Variants in EP400 observed in about 807,000 individuals in gnomAD.
The protein encoded by EP400 is E1A-binding protein p400.
Under a neutral mutation model 354.1 loss-of-function variants are expected in EP400, and 105 were observed. The observed-to-expected ratio is 0.30, with a 90% CI of 0.25 to 0.35. The LOEUF (loss-of-function observed/expected upper bound fraction) is 0.35, where lower values mean the gene tolerates loss of function less well. Ranked by LOEUF, EP400 falls within the 10% of genes least tolerant of loss-of-function variation. The probability of loss-of-function intolerance (pLI) is 1.00; values close to 1 mark genes in which losing one functional copy is unlikely to be tolerated. For missense variants in EP400, 3,280 were observed against 4,121.0 expected, an observed-to-expected ratio of 0.80 and a Z score of 5.59; for synonymous variants, 1,646 against 1,716.9, an observed-to-expected ratio of 0.96 and a Z score of 1.02.
intron 6 of EP400, 62 bp from the exon 7 acceptor site, chr12:131,987,643 C>G (rs374631537): frequency 1.4e-6 from 2 of 1,445,560 alleles, no homozygotes; most frequent in African/African-American, 1.4e-5. Flanking sequence ...TTTCTGGGGT[C>G]TGAGTTGGTG....
rs1593373119 is a variant in EP400 at position 132,048,670 on chromosome 12, A to G, written c.7201-1653A>G. The stretch of plus-strand genomic sequence containing the variant: ...CCCGAGTAGCTGGGATTACAGGTGC[A>G]TGCCACCATACCCAGCTAATTTTTG... On this transcript the variant is annotated intron_variant, in intron 39 of 52. Coordinates refer to ENST00000389561, the MANE Select transcript of EP400 (RefSeq NM_015409.5). Among the ~76,000 whole-genome samples the G allele has an allele frequency of 2.0e-5, 3 of 152,006 alleles. 1 individual carries two copies. Among genetic ancestry groups the G allele is most frequent in the Admixed American group, 1.3e-4 (2 of 15,256 alleles).
At chr12:132,063,381 C>T (rs922872597) in intron 47 of EP400, among the ~76,000 whole-genome samples, 1 of 152,010 alleles carries the variant, frequency 6.6e-6, no homozygotes, top group South Asian at 2.1e-4. Flanking sequence ...GACGTGGTGG[C>T]GGGTGCCTGT....
intron 30 of EP400, among the ~76,000 whole-genome samples, chr12:132,036,978 AT>A (rs1161520171): frequency 1.3e-5 from 2 of 152,100 alleles, no homozygotes; most frequent in African/African-American, 4.8e-5. Flanking sequence ...TCTGAAAAAA[AT>A]TTTGTTTTCA....
chr12:131,982,258 C>T lies in EP400; in HGVS notation c.1709C>T (p.Ala570Val). The part of the protein sequence containing the change: ...RLPPAGVPTA[A>V]LSSALQFAQQ... ...CCCCCAGCCGGTGTTCCCACTGCAGCCCTCTCCTCTGCGCTGCAGTTTGCA... is the reference window on the plus strand; with the variant it reads ...CCCCCAGCCGGTGTTCCCACTGCAGTCCTCTCCTCTGCGCTGCAGTTTGCA... Residue 570 changes from alanine to valine, a missense_variant, in exon 5 of 53, where the codon GCC becomes GTC. Physicochemically the swap from Ala to Val is moderately conservative, Grantham distance 64. This residue lies in a region of EP400 where 800 missense variants were observed against 840.0 expected (regional missense o/e 0.95). Coordinates refer to ENST00000389561, the MANE Select transcript of EP400 (RefSeq NM_015409.5). 6.2e-7 allele frequency: 1 copy of T among 1,614,164 alleles called. No individual in the cohort carries two copies. Among genetic ancestry groups the T allele is most frequent in the Non-Finnish European group, 8.5e-7 (1 of 1,180,028 alleles).
At chr12:131,964,351 C>T (rs1257013092) in intron 2 of EP400, among the ~76,000 whole-genome samples, 1 of 152,126 alleles carries the variant, frequency 6.6e-6, no homozygotes, top group African/African-American at 2.4e-5. Flanking sequence ...CCTATAATCC[C>T]GGCTACTCAG....
At chr12:132,059,959 G>T (rs193168781) in intron 45 of EP400, among the ~76,000 whole-genome samples, 234 of 152,028 alleles carry the variant, frequency 1.5e-3, no homozygotes, top group Non-Finnish European at 1.6e-3. Flanking sequence ...GGAGGCGGAG[G>T]TTGCAGTGAG....
At chr12:132,043,580 T>C in intron 33 of EP400, 65 bp from the exon 34 acceptor site, 1 of 1,578,600 alleles carries the variant, frequency 6.3e-7, no homozygotes, top group Non-Finnish European at 8.6e-7. Context: ...TAGTGGATTG[T>C]ATAAGGAACT....
Position 132,043,771 on chromosome 12 carries a change from T to G in EP400, c.6450+43T>G. ...TGGTCAGTGAAAAAAATTTGCAATA[T>G]TTTCAGAGTTAAGTTTGATTTGAAG... On this transcript the variant is annotated intron_variant, in intron 34 of 52. Transcript: ENST00000389561. 4 of 1,526,350 alleles carry G rather than the reference T, an allele frequency of 2.6e-6. No individual in the cohort carries two copies. In the South Asian group the frequency reaches 4.8e-5, roughly 18 times the overall value. 94.6% of individuals were successfully genotyped at this position (1,526,350 alleles called of 1,614,324 possible). A position where few individuals can be genotyped will look rare whatever the true frequency, so the allele number is the denominator to read the frequency against.
chr12:132,062,508 A>G lies in EP400; in HGVS notation c.8141A>G (p.His2714Arg). The change falls in exon 47 of 53, where the codon CAT becomes CGT. Residue 2714 changes from histidine to arginine, a missense_variant. This residue lies in a region of EP400 where 11 missense variants were observed against 34.5 expected (regional missense o/e 0.32). Coordinates refer to ENST00000389561, the MANE Select transcript of EP400 (RefSeq NM_015409.5). ...CCTGGAAAAACCATCACACCTGCACATTTCCAGCTTCTCAGGCAGCAGCAG... is the reference window on the plus strand; with the variant it reads ...CCTGGAAAAACCATCACACCTGCACGTTTCCAGCTTCTCAGGCAGCAGCAG... The part of the protein sequence containing the change: ...QLPGKTITPA[H>R]FQLLRQQQQQ... 1 of 1,613,276 alleles carries G rather than the reference A, an allele frequency of 6.2e-7. No homozygotes were observed. Among genetic ancestry groups the G allele is most frequent in the Non-Finnish European group, 8.5e-7 (1 of 1,180,018 alleles).
Position 132,029,985 on chromosome 12 carries a change from C to G in EP400, c.5585-4C>G. On this transcript the variant is annotated splice_polypyrimidine_tract_variant and splice_region_variant and intron_variant, in intron 28 of 52. Coordinates refer to ENST00000389561, the MANE Select transcript of EP400 (RefSeq NM_015409.5). This position sits in a 1 kb window ranked among gnomAD's most constrained non-coding sequence, Gnocchi z 4.7. ...AGGCGCTCTTGATGTGATTCGTTTCCCAGGGAAGTTGGAAGCTTTAGCTAT... is the reference window on the plus strand; with the variant it reads ...AGGCGCTCTTGATGTGATTCGTTTCGCAGGGAAGTTGGAAGCTTTAGCTAT... 2 of 1,613,870 alleles carry G rather than the reference C, an allele frequency of 1.2e-6. No individual in the cohort carries two copies. Among genetic ancestry groups the G allele is most frequent in the Non-Finnish European group, 1.7e-6 (2 of 1,179,998 alleles).
chr12:132,014,782 G>A (rs754455287), intron 19 of EP400, among the ~76,000 whole-genome samples: 3 of 152,190 alleles, frequency 2.0e-5, no homozygotes, highest in African/African-American at 4.8e-5. Context: ...CCTCCTTGTG[G>A]GGAGATGACA....
chr12:132,020,443 G>A (rs1193260852), intron 22 of EP400, among the ~76,000 whole-genome samples: 1 of 152,232 alleles, frequency 6.6e-6, no homozygotes, highest in Admixed American at 6.5e-5. Flanking sequence ...ACTCCTAGGT[G>A]ATAAGTGTTG....
rs758067951 is a variant in EP400, at chr12:132,077,557, G to A, written c.9256G>A (p.Ala3086Thr). The A allele has an allele frequency of 6.5e-5, 105 of 1,613,736 alleles. No homozygotes were observed. The highest frequency in any genetic ancestry group is 6.7e-5 in the East Asian group (3 of 44,902). Reference sequence around the variant, plus strand: ...GTCGGCCCCGCTCCAGACTCCAGGCGCTCCCAACCCAGCCCAGGTGCCCGC... The same window carrying A: ...GTCGGCCCCGCTCCAGACTCCAGGCACTCCCAACCCAGCCCAGGTGCCCGC... The part of the protein sequence containing the change: ...TASAPLQTPG[A>T]PNPAQVPASS... Residue 3086 changes from alanine to threonine, a missense_variant, in exon 53 of 53, where the codon GCT becomes ACT. Ala to Thr is a moderately conservative substitution (Grantham distance 58). This residue lies in a region of EP400 where 279 missense variants were observed against 386.7 expected (regional missense o/e 0.72). Coordinates refer to ENST00000389561, the MANE Select transcript of EP400 (RefSeq NM_015409.5).
chr12:132,044,109 G>T, intron 34 of EP400, 68 bp from the exon 35 acceptor site: 1 of 1,584,350 alleles, frequency 6.3e-7, no homozygotes, highest in South Asian at 1.1e-5. Context: ...GAAACCTGGA[G>T]CAGGGACTCG....
chr12:132,060,196 TGAG>T (rs1307777137), intron 45 of EP400, among the ~76,000 whole-genome samples: 4 of 151,846 alleles, frequency 2.6e-5, no homozygotes, highest in East Asian at 1.9e-4. Flanking sequence ...ATCACACAAT[TGAG>T]GAGAAAATGA....
chr12:131,955,143 A>G (rs923794745), intron 1 of EP400, among the ~76,000 whole-genome samples: 6 of 152,176 alleles, frequency 3.9e-5, no homozygotes, highest in African/African-American at 1.4e-4. Context: ...TACCTGTACT[A>G]TGTTTTTGAG....
Position 132,020,217 on chromosome 12 carries a change from A to ACTTCAC in EP400, c.4446_4447insCTTCAC (p.Lys1482_Ala1483insLeuHis). 1 of 1,599,728 alleles carries ACTTCAC rather than the reference A, an allele frequency of 6.3e-7. No homozygotes were observed. Among genetic ancestry groups the ACTTCAC allele is most frequent in the Non-Finnish European group, 8.5e-7 (1 of 1,173,268 alleles). ...CGTTCTCTGCCAATCCGGAGGCAAA[A>ACTTCAC]GGTAGACTTCACGTAGTTGTCTGCT... On this transcript the variant is annotated inframe_insertion and splice_region_variant, in exon 22 of 53. Transcript: ENST00000389561.
chr12:131,966,279 A>G (rs886883305), intron 2 of EP400, among the ~76,000 whole-genome samples: 1 of 152,070 alleles, frequency 6.6e-6, no homozygotes, highest in Non-Finnish European at 1.5e-5. Flanking sequence ...CTGGGAATTT[A>G]AGACCAGCCT....
At chr12:132,074,810 T>C (rs1565937922) in intron 51 of EP400, among the ~76,000 whole-genome samples, 2 of 152,220 alleles carry the variant, frequency 1.3e-5, no homozygotes, top group Non-Finnish European at 1.5e-5. Context: ...TTTCAGAAGT[T>C]CCCAAATAAT....
Sources: allele counts gnomAD v4.1 joint callset (sites outside exome capture counted in the v4.1 genomes callset), GRCh38; gene constraint gnomAD v4.1.1; regional missense constraint gnomAD v4.1.1; non-coding constraint Gnocchi (gnomAD v3.1); transcripts MANE v1.5; gene names NCBI Gene and HGNC (gene_info 2026-07-23, HGNC 2026-07-21).